KLHDC4: variants seen among roughly 807,000 people sequenced by gnomAD.
KLHDC4 encodes the protein kelch domain-containing protein 4.
Under a neutral mutation model 62.4 loss-of-function variants are expected in KLHDC4, and 90 were observed. That is an observed-to-expected ratio of 1.44 (90% CI 1.22 to 1.72). The LOEUF (loss-of-function observed/expected upper bound fraction) is 1.72, where lower values mean the gene tolerates loss of function less well. Among genes scored for constraint, KLHDC4 ranks in the 40% most tolerant of loss-of-function variants. The probability of loss-of-function intolerance (pLI) is 0.00; values close to 1 mark genes in which losing one functional copy is unlikely to be tolerated. For synonymous variants in KLHDC4, 386 were observed against 284.4 expected, an observed-to-expected ratio of 1.36 and a Z score of -3.59; for missense variants, 1,025 against 699.7, an observed-to-expected ratio of 1.47 and a Z score of -5.25.
At chr16:87,731,463 GA>G (rs538735641) in intron 5 of KLHDC4, among the ~76,000 whole-genome samples, 36 of 151,752 alleles carry the variant, frequency 2.4e-4, no homozygotes, top group African/African-American at 7.5e-4. Context: ...AAAATGGGGG[GA>G]AAAAAGATGG....
chr16:87,704,203 T>G (rs1005626564), downstream of KLHDC4, among the ~76,000 whole-genome samples: 9 of 152,152 alleles, frequency 5.9e-5, no homozygotes, highest in Admixed American at 4.6e-4. Context: ...GGGTCTCGCC[T>G]CGTCACCTGA....
downstream of KLHDC4, among the ~76,000 whole-genome samples, chr16:87,706,661 C>T (rs371203952): frequency 9.8e-4 from 150 of 152,324 alleles, no homozygotes; most frequent in African/African-American, 2.8e-3. Context: ...TGGCAGTGGG[C>T]GGGGCCCTTG....
At chr16:87,752,316 C>T (rs150413669) in intron 4 of KLHDC4, among the ~76,000 whole-genome samples, 328 of 147,844 alleles carry the variant, frequency 2.2e-3, no homozygotes, top group Middle Eastern at 7.1e-3. Context: ...AATCCACAAT[C>T]CGATCCACAG....
Position 87,711,404 on chromosome 16 carries a change from T to G in KLHDC4, c.875A>C (p.Lys292Thr). 1.2e-6 allele frequency: 2 copies of G among 1,613,320 alleles called. No homozygotes were observed. The highest frequency in any genetic ancestry group is 1.7e-5 in the Admixed American group (1 of 60,022). The change falls in exon 9 of 12, where the codon AAG (lysine) becomes ACG (threonine). Residue 292 changes from lysine (K) to threonine (T), a missense_variant. Lys to Thr is a moderately conservative substitution (Grantham distance 78). Coordinates refer to ENST00000270583, the MANE Select transcript of KLHDC4 (RefSeq NM_017566.4). ...GGAAAAGCCAGACCGTGGGGTGGGC[T>G]TGACCCCCGAAGGGTTCATCCGAGT... ...VWTRMNPSGV[K>T]PTPRSGFSVA...
rs752333689 is a variant in KLHDC4 at position 87,708,008 on chromosome 16, C to T, written c.*69G>A. ...ACGCACGCTGGCCCCAAGAGCTTCA[C>T]TCAACACGGCTGGGTCCTGGGCGGA... On this transcript the variant is annotated 3_prime_UTR_variant, in exon 12 of 12. Transcript: ENST00000270583. The T allele has an allele frequency of 2.0e-6, 1 of 491,652 alleles. No individual in the cohort carries two copies. The highest frequency in any genetic ancestry group is 2.3e-5 in the Admixed American group (1 of 43,550). The allele number at this position is 491,652 out of a possible 1,614,324, so 30.5% of individuals were successfully genotyped here.
At position 87,743,150 on chromosome 16, in the gene KLHDC4, G is replaced by C. The variant is rs573357290; in HGVS notation, c.506+5523C>G. On this transcript the variant is annotated intron_variant, in intron 5 of 11. Transcript: ENST00000270583. ...GTCACAGGGCCTCACTTGTGGCCCA[G>C]GTTGCAGTACAGTGATGCAATCACA... The C allele has an allele frequency of 3.9e-5, 6 of 152,350 alleles. 1 individual carries two copies. Among genetic ancestry groups the C allele is most frequent in the South Asian group, 2.1e-4 (1 of 4,830 alleles). The allele number at this position is 152,350 out of a possible 1,614,324, so 9.4% of individuals were successfully genotyped here.
chr16:87,746,039 G>C (rs749971171), intron 5 of KLHDC4, among the ~76,000 whole-genome samples: 3 of 152,052 alleles, frequency 2.0e-5, no homozygotes, highest in African/African-American at 2.4e-5. Context: ...TGAAGTGGGA[G>C]AATCTCTTGA....
intron 6 of KLHDC4, 97 bp from the exon 7 acceptor site, chr16:87,727,021 T>C (rs2039486964): frequency 2.2e-6 from 3 of 1,346,390 alleles, no homozygotes; most frequent in Non-Finnish European, 3.1e-6. Flanking sequence ...AATTTCCTAC[T>C]GTTTGGGGAA....
chr16:87,716,883 G>A (rs978457486), intron 7 of KLHDC4, among the ~76,000 whole-genome samples: 1 of 152,192 alleles, frequency 6.6e-6, no homozygotes, highest in South Asian at 2.1e-4. Context: ...AGTGAGCCGA[G>A]ATCTCGCCAC....
At chr16:87,717,326 G>A (rs962433224) in intron 7 of KLHDC4, among the ~76,000 whole-genome samples, 4 of 152,218 alleles carry the variant, frequency 2.6e-5, no homozygotes, top group Non-Finnish European at 4.4e-5. Flanking sequence ...GGTAGAGCAA[G>A]GAAATATTTG....
intron 4 of KLHDC4, among the ~76,000 whole-genome samples, chr16:87,752,290 C>G (rs1230967508): frequency 1.3e-5 from 2 of 149,492 alleles, no homozygotes; most frequent in East Asian, 2.0e-4. Context: ...TGAAGTCAAA[C>G]TCCAGGCAAG....
intron 7 of KLHDC4, among the ~76,000 whole-genome samples, chr16:87,723,535 A>C (rs74039495): frequency 0.024 from 3,586 of 152,404 alleles, 145 homozygotes; most frequent in African/African-American, 0.081. Flanking sequence ...CAGCCAAGTC[A>C]GCCTGTTCTC....
exon 1 of KLHDC4, chr16:87,701,217 C>T (rs1338825345): frequency 4.5e-6 from 1 of 223,500 alleles, no homozygotes; most frequent in East Asian, 1.1e-4. Context: ...CAGCGCTTCC[C>T]GATGAGCAGA....
intron 7 of KLHDC4, among the ~76,000 whole-genome samples, chr16:87,721,688 G>T (rs927869617): frequency 6.6e-6 from 1 of 152,220 alleles, no homozygotes; most frequent in Non-Finnish European, 1.5e-5. Flanking sequence ...CAGGAGCTCA[G>T]CTCCCAAGTG....
chr16:87,761,751 G>C (rs140067229), intron 2 of KLHDC4, among the ~76,000 whole-genome samples, 198 bp downstream of exon 2: 1 of 152,182 alleles, frequency 6.6e-6, no homozygotes, highest in Non-Finnish European at 1.5e-5. Flanking sequence ...CTGTGCTGTA[G>C]GCCCTGCTCC....
At chr16:87,702,499 G>A in exon 1 of KLHDC4, 1 of 358,114 alleles carries the variant, frequency 2.8e-6, no homozygotes, top group Non-Finnish European at 5.5e-6. Flanking sequence ...TTCTCCGGCA[G>A]CAACTTCCCA....
intron 5 of KLHDC4, among the ~76,000 whole-genome samples, chr16:87,744,319 G>A (rs1463885820): frequency 1.3e-5 from 2 of 152,016 alleles, no homozygotes; most frequent in African/African-American, 4.8e-5. Context: ...GGAAGCTGAG[G>A]CAGGAGAATT....
At chr16:87,736,238 C>G (rs924187290) in intron 5 of KLHDC4, among the ~76,000 whole-genome samples, 2 of 152,208 alleles carry the variant, frequency 1.3e-5, no homozygotes, top group African/African-American at 4.8e-5. Flanking sequence ...CCCAGACACT[C>G]TAAGCCACTG....
At chr16:87,745,175 G>C (rs1324568020) in intron 5 of KLHDC4, among the ~76,000 whole-genome samples, 2 of 152,154 alleles carry the variant, frequency 1.3e-5, no homozygotes, top group African/African-American at 2.4e-5. Flanking sequence ...TGAGCGGTGG[G>C]GGCATGTTCT....
Sources: allele counts gnomAD v4.1 joint callset (sites outside exome capture counted in the v4.1 genomes callset), GRCh38; gene constraint gnomAD v4.1.1; transcripts MANE v1.5; gene names NCBI Gene and HGNC (gene_info 2026-07-23, HGNC 2026-07-21).